The following PPP3CB variants were observed in gnomAD, a reference collection of about 807,000 sequenced individuals.
The protein encoded by PPP3CB is protein phosphatase 3 catalytic subunit beta.
PPP3CB carries 8 observed loss-of-function variants against 66.4 expected under a neutral mutation model. That is an observed-to-expected ratio of 0.12 (90% CI 0.07 to 0.22). The LOEUF (loss-of-function observed/expected upper bound fraction) is 0.22. PPP3CB is among the 10% of genes least tolerant of loss of function. The probability of loss-of-function intolerance (pLI) is 1.00; values close to 1 mark genes in which losing one functional copy is unlikely to be tolerated. For synonymous variants in PPP3CB, 208 were observed against 221.2 expected (o/e 0.94, Z 0.53); for missense variants, 319 against 642.5 (o/e 0.50, Z 5.44).
chr10:73,444,969 T>C (rs948388483), intron 11 of PPP3CB, 147 bp from the exon 12 acceptor site: 1 of 842,460 alleles, frequency 1.2e-6, no homozygotes, highest in African/African-American at 1.7e-5. Context: ...GACATTAATT[T>C]TTCTATATTT....
chr10:73,467,653 A>G lies in PPP3CB; in HGVS notation c.1008T>C (p.Asn336=), dbSNP rs754483440. 6.4e-6 allele frequency: 10 copies of G among 1,565,080 alleles called. No individual in the cohort carries two copies. Among genetic ancestry groups the G allele is most frequent in the South Asian group, 1.2e-5 (1 of 84,570 alleles). Residue 336 remains asparagine, a synonymous_variant, in exon 9 of 14, where the codon AAT becomes AAC. Coordinates refer to ENST00000360663, the MANE Select transcript of PPP3CB (RefSeq NM_021132.4). ...AGTTAAACTGTCGAATATTCATCAC[A>G]TTATTTTCATACTTTAATACAGCAG... The part of the protein sequence containing the change: ...NKAAVLKYEN[N]VMNIRQFNCS...
intron 9 of PPP3CB, among the ~76,000 whole-genome samples, chr10:73,457,029 G>A (rs886070309): frequency 2.6e-5 from 4 of 151,740 alleles, no homozygotes; most frequent in Non-Finnish European, 4.4e-5. Flanking sequence ...GAATTGCATA[G>A]TATATATATT....
At chr10:73,492,690 T>G (rs563310765) in intron 1 of PPP3CB, among the ~76,000 whole-genome samples, 1 of 152,200 alleles carries the variant, frequency 6.6e-6, no homozygotes, top group Non-Finnish European at 1.5e-5. Context: ...GGGGAAGAAT[T>G]TGACTTGAGC....
chr10:73,474,805 G>T, intron 4 of PPP3CB, 114 bp downstream of exon 4: 1 of 1,399,746 alleles, frequency 7.1e-7, no homozygotes, highest in Middle Eastern at 1.9e-4. Flanking sequence ...CTTTATGTGT[G>T]GACATGAAAT....
chr10:73,487,578 A>AC (rs944733662), intron 1 of PPP3CB, among the ~76,000 whole-genome samples: 2 of 151,114 alleles, frequency 1.3e-5, no homozygotes, highest in African/African-American at 2.4e-5. Context: ...AAAAAAAAAA[A>AC]AAAAAACAAA....
At position 73,479,641 on chromosome 10, in the gene PPP3CB, T is replaced by C. The variant is rs560738238; in HGVS notation, c.86-124A>G. On this transcript the variant is annotated intron_variant, in intron 1 of 13. Coordinates refer to ENST00000360663, the MANE Select transcript of PPP3CB (RefSeq NM_021132.4). The stretch of plus-strand genomic sequence containing the variant: ...GGATTTTTCTTTCTTCTTCATTTAT[T>C]GGGTAGAAGTGTTTTTCTAAATAGT... 27 of 881,504 alleles carry C rather than the reference T, an allele frequency of 3.1e-5. No individual in the cohort carries two copies. The East Asian group carries it at 7.2e-4, about 24-fold the overall frequency. The allele number at this position is 881,504 out of a possible 1,614,324, so 54.6% of individuals were successfully genotyped here.
At chr10:73,453,062 A>G (rs925775445) in intron 10 of PPP3CB, among the ~76,000 whole-genome samples, 1 of 152,264 alleles carries the variant, frequency 6.6e-6, no homozygotes, top group Admixed American at 6.5e-5. Context: ...AAAGAAATGT[A>G]AACTTAAGCA....
intron 9 of PPP3CB, among the ~76,000 whole-genome samples, chr10:73,466,728 C>T (rs575565981): frequency 1.3e-5 from 2 of 152,060 alleles, no homozygotes; most frequent in East Asian, 1.9e-4. Context: ...GCAGAAGTGA[C>T]GTATCTCATA....
intron 9 of PPP3CB, among the ~76,000 whole-genome samples, chr10:73,461,401 C>T (rs2056518806): frequency 6.6e-6 from 1 of 151,950 alleles, no homozygotes; most frequent in Non-Finnish European, 1.5e-5. Flanking sequence ...GAGCAAAGAA[C>T]ACACCACTGC....
intron 8 of PPP3CB, among the ~76,000 whole-genome samples, chr10:73,468,624 CT>C (rs779308943): frequency 2.0e-5 from 3 of 152,040 alleles, no homozygotes; most frequent in East Asian, 3.9e-4. Flanking sequence ...TTTATGGTTA[CT>C]TTTTTTTCAT....
intron 3 of PPP3CB, among the ~76,000 whole-genome samples, chr10:73,475,655 T>C (rs891396339): frequency 2.6e-5 from 4 of 152,190 alleles, no homozygotes; most frequent in Non-Finnish European, 4.4e-5. Context: ...GCCTTACATA[T>C]GGTAAGTGCT....
At chr10:73,482,668 A>G (rs986869827) in intron 1 of PPP3CB, among the ~76,000 whole-genome samples, 1 of 151,110 alleles carries the variant, frequency 6.6e-6, no homozygotes, top group Admixed American at 6.6e-5. Flanking sequence ...CCCAGGCTGG[A>G]ATGCAGTGGC....
rs982656735 is a variant in PPP3CB, at chr10:73,436,777, A to G, written c.*1465T>C. 5 of 152,264 alleles carry G rather than the reference A, an allele frequency of 3.3e-5. No homozygotes were observed. The highest frequency in any genetic ancestry group is 1.2e-4 in the African/African-American group (5 of 41,464). 9.4% of individuals were successfully genotyped at this position (152,264 alleles called of 1,614,324 possible). A position where few individuals can be genotyped will look rare whatever the true frequency, so the allele number is the denominator to read the frequency against. ...GCATCAAAAGGACAAATCAGATTGC[A>G]TCTTCCAAATAAAACCCAACACAGA... is the stretch of plus-strand genomic sequence containing the variant. On this transcript the variant is annotated 3_prime_UTR_variant, in exon 14 of 14. Coordinates refer to ENST00000360663, the MANE Select transcript of PPP3CB (RefSeq NM_021132.4).
chr10:73,438,368 C>T lies in PPP3CB; in HGVS notation c.1449G>A (p.Lys483=), dbSNP rs1263408214. Residue 483 remains lysine (K), a synonymous_variant, in exon 14 of 14, where the codon AAG becomes AAA. Transcript: ENST00000360663. The part of the protein sequence containing the change: ...PHRICSFEEA[K]GLDRINERMP... ...TTCTCTCATTGATCCTATCCAAACC[C>T]TTTGCCTCTTCAAAACTGCAGATTC... 2.5e-6 allele frequency: 4 copies of T among 1,613,788 alleles called. No individual in the cohort carries two copies. The highest frequency in any genetic ancestry group is 3.4e-6 in the Non-Finnish European group (4 of 1,179,674).
In PPP3CB at chr10:73,470,830, A is replaced by T. The variant is rs763564953; in HGVS notation, c.888-49T>A. On this transcript the variant is annotated intron_variant, in intron 7 of 13. Transcript: ENST00000360663. The stretch of plus-strand genomic sequence containing the variant: ...GCATCGTAAAGCATCAATCATGGTT[A>T]CTAAGTTTGATTTATATTTTAGGTG... The T allele has an allele frequency of 5.0e-6, 8 of 1,587,600 alleles. No homozygotes were observed. In the Admixed American group the frequency reaches 1.3e-4, roughly 27 times the overall value.
chr10:73,458,544 G>A (rs1302905582), intron 9 of PPP3CB, among the ~76,000 whole-genome samples: 1 of 152,004 alleles, frequency 6.6e-6, no homozygotes, highest in Non-Finnish European at 1.5e-5. Context: ...GCTCATGCCT[G>A]TCACCCTAGC....
In PPP3CB at chr10:73,493,496, T is replaced by C. The variant is rs2133058711; in HGVS notation, c.85+2309A>G. 1.3e-5 allele frequency among the ~76,000 whole-genome samples: 2 copies of C among 152,286 alleles called. 1 individual carries two copies. The highest frequency in any genetic ancestry group is 4.1e-4 in the South Asian group (2 of 4,832). On this transcript the variant is annotated intron_variant, in intron 1 of 13. Coordinates refer to ENST00000360663, the MANE Select transcript of PPP3CB (RefSeq NM_021132.4). ...TCTAATATCAGGTATCACATTATAG[T>C]ATAATTACTGAATAAAAGACAAGGA...
At chr10:73,458,988 T>C (rs2056476528) in intron 9 of PPP3CB, among the ~76,000 whole-genome samples, 2 of 151,852 alleles carry the variant, frequency 1.3e-5, no homozygotes, top group Non-Finnish European at 2.9e-5. Flanking sequence ...GAGAATCACT[T>C]GAACCCAGGA....
At position 73,479,408 on chromosome 10, in the gene PPP3CB, T is replaced by C. The variant is rs1002158723; in HGVS notation, c.195A>G (p.Val65=). The C allele has an allele frequency of 1.2e-6, 2 of 1,614,172 alleles. No individual in the cohort carries two copies. The highest frequency in any genetic ancestry group is 3.3e-5 in the Admixed American group (2 of 60,024). ...LKNHLVKEGR[V]DEEIALRIIN... ...TAATTCTAAGCGCAATTTCTTCATC[T>C]ACTCGACCTTCTTTCACCAAGTGGT... The change falls in exon 2 of 14, where the codon GTA becomes GTG. Residue 65 remains valine (V), a synonymous_variant. Transcript: ENST00000360663.
Sources: allele counts gnomAD v4.1 joint callset (sites outside exome capture counted in the v4.1 genomes callset), GRCh38; gene constraint gnomAD v4.1.1; transcripts MANE v1.5; gene names NCBI Gene and HGNC (gene_info 2026-07-23, HGNC 2026-07-21).